ZNF710: variants seen among roughly 807,000 people sequenced by gnomAD.
ZNF710 encodes zinc finger protein 710.
Under a neutral mutation model 50.6 loss-of-function variants are expected in ZNF710, and 13 were observed. The ratio of observed to expected loss-of-function variants is 0.26; its 90% confidence interval spans 0.17 to 0.41. ZNF710 has a LOEUF of 0.41. ZNF710 is among the 10% of genes least tolerant of loss of function. The pLI, the probability that ZNF710 is intolerant of heterozygous loss-of-function variation, is 1.00. For synonymous variants in ZNF710, 383 were observed against 397.0 expected, an observed-to-expected ratio of 0.96 and a Z score of 0.42; for missense variants, 721 against 936.6, an observed-to-expected ratio of 0.77 and a Z score of 3.01.
chr15:89,999,607 G>C (rs868179674), upstream of ZNF710, among the ~76,000 whole-genome samples: 1 of 152,132 alleles, frequency 6.6e-6, no homozygotes, highest in Non-Finnish European at 1.5e-5. Flanking sequence ...CCTCGTCAGA[G>C]ACAAATGTGT....
intron 1 of ZNF710, among the ~76,000 whole-genome samples, chr15:90,007,936 T>G (rs1898180737): frequency 6.6e-6 from 1 of 151,986 alleles, no homozygotes; most frequent in South Asian, 2.1e-4. Context: ...TGTATCACTG[T>G]TGGGCCCAAC....
intron 1 of ZNF710, among the ~76,000 whole-genome samples, chr15:90,044,757 G>C (rs1899408585): frequency 6.6e-6 from 1 of 152,134 alleles, no homozygotes; most frequent in Non-Finnish European, 1.5e-5. Flanking sequence ...GCGTGTGCCT[G>C]GTTAGCACAT....
At chr15:90,058,701 T>TATATATATATA (rs1567236919) in intron 1 of ZNF710, among the ~76,000 whole-genome samples, 8 of 143,544 alleles carry the variant, frequency 5.6e-5, no homozygotes, top group African/African-American at 1.6e-4. Context: ...CACTATATAT[T>TATATATATATA]TATATATATA....
At position 90,034,497 on chromosome 15, in the gene ZNF710, T is replaced by C. The variant is rs1899054286; in HGVS notation, c.-28-32613T>C. On this transcript the variant is annotated intron_variant, in intron 1 of 4. Transcript: ENST00000268154. This position sits in a 1 kb window ranked among gnomAD's most constrained non-coding sequence, Gnocchi z 4.0. ...GTGTATTCTGTGCCTGTGGTGGTGG[T>C]GGCCATGGTGTCGGCAGCAGCAGGG... is the stretch of plus-strand genomic sequence containing the variant. 6.8e-6 allele frequency among the ~76,000 whole-genome samples: 1 copy of C among 147,228 alleles called. No individual in the cohort carries two copies. The highest frequency in any genetic ancestry group is 2.1e-4 in the South Asian group (1 of 4,656).
intron 1 of ZNF710, among the ~76,000 whole-genome samples, chr15:90,019,115 G>GC (rs747513535): frequency 1.8e-4 from 27 of 148,010 alleles, no homozygotes; most frequent in African/African-American, 2.5e-4. Context: ...ATATTGTATA[G>GC]CCCCCCCAGA....
chr15:90,019,187 C>CTTTCTTTT (rs1898539369), intron 1 of ZNF710, among the ~76,000 whole-genome samples: 1 of 89,388 alleles, frequency 1.1e-5, no homozygotes, highest in South Asian at 4.0e-4. Context: ...CTTTTTCTTT[C>CTTTCTTTT]TTTTTTTTTT....
rs564607471 is a variant in ZNF710, at chr15:90,040,669, G to T, written c.-28-26441G>T. ...TTTTTTACATCAAACAATACTGATG[G>T]GCTTCTAGTGCTAAAGCAGCAGGCC... is the stretch of plus-strand genomic sequence containing the variant. On this transcript the variant is annotated intron_variant, in intron 1 of 4. Transcript: ENST00000268154. The surrounding 1 kb of genome is among the most constrained non-coding windows in gnomAD (Gnocchi z 4.6). Among the ~76,000 whole-genome samples the T allele has an allele frequency of 5.6e-4, 85 of 151,776 alleles. No homozygotes were observed. The highest frequency in any genetic ancestry group is 1.1e-3 in the Non-Finnish European group (72 of 67,962).
chr15:90,012,290 A>ATTTTTTTTTTT (rs1026567607), intron 1 of ZNF710, among the ~76,000 whole-genome samples: 12 of 94,550 alleles, frequency 1.3e-4, no homozygotes, highest in African/African-American at 2.3e-4. Flanking sequence ...TTGAGTGTGC[A>ATTTTTTTTTTT]TTTTTTTTTT....
At chr15:90,018,314 G>T (rs1297309022) in intron 1 of ZNF710, among the ~76,000 whole-genome samples, 1 of 151,882 alleles carries the variant, frequency 6.6e-6, no homozygotes, top group Non-Finnish European at 1.5e-5. Flanking sequence ...GATCACAGGC[G>T]TGTGCCACCA....
At chr15:90,021,009 A>ACC (rs532595178) in intron 1 of ZNF710, among the ~76,000 whole-genome samples, 1,889 of 91,118 alleles carry the variant, frequency 0.021, 85 homozygotes, top group African/African-American at 0.068. Flanking sequence ...AGGGTGTGGC[A>ACC]CCCCCCCCCC....
rs562223398 is a variant in ZNF710, at chr15:90,067,804, C to T, written c.667C>T (p.Leu223=). The T allele has an allele frequency of 1.9e-4, 299 of 1,582,254 alleles. 1 individual carries two copies. The East Asian group carries it at 6.4e-3, about 34-fold the overall frequency. The change falls in exon 2 of 5, where the codon CTG becomes TTG. Residue 223 remains leucine (L), a synonymous_variant. Coordinates refer to ENST00000268154, the MANE Select transcript of ZNF710 (RefSeq NM_198526.4). This position sits in a 1 kb window ranked among gnomAD's most constrained non-coding sequence, Gnocchi z 8.1. The part of the protein sequence containing the change: ...PTECGFEPPH[L]APLSDPEAPS... ...AGAGTGTGGGTTCGAGCCACCCCAC[C>T]TGGCCCCCCTGAGTGACCCCGAGGC...
intron 1 of ZNF710, among the ~76,000 whole-genome samples, chr15:90,003,644 T>C (rs1244701830): frequency 6.6e-6 from 1 of 152,224 alleles, no homozygotes; most frequent in East Asian, 1.9e-4. Context: ...TCAAAGCCGA[T>C]GGGGCTATCT....
At chr15:90,052,278 C>T (rs1899670075) in intron 1 of ZNF710, among the ~76,000 whole-genome samples, 1 of 152,188 alleles carries the variant, frequency 6.6e-6, no homozygotes, top group Non-Finnish European at 1.5e-5. Flanking sequence ...GACTTGATCC[C>T]ATTTTCCACC....
chr15:90,023,270 G>A (rs1046693565), intron 1 of ZNF710, among the ~76,000 whole-genome samples: 3 of 152,210 alleles, frequency 2.0e-5, no homozygotes, highest in African/African-American at 7.2e-5. Flanking sequence ...AGCTACAGAG[G>A]TAGGTGAGCC....
intron 1 of ZNF710, among the ~76,000 whole-genome samples, chr15:90,009,028 A>T (rs758227326): frequency 1.3e-5 from 2 of 152,158 alleles, no homozygotes; most frequent in African/African-American, 4.8e-5. Context: ...AATGGTCACT[A>T]CAGAAAGCAG....
intron 1 of ZNF710, chr15:90,045,254 C>G: frequency 1.2e-6 from 1 of 835,098 alleles, no homozygotes; most frequent in Non-Finnish European, 1.4e-6. Context: ...GGCAGAAAAG[C>G]CTTGCAAAAC....
At chr15:90,045,677 G>C (rs1379030348) in intron 1 of ZNF710, among the ~76,000 whole-genome samples, 3 of 152,198 alleles carry the variant, frequency 2.0e-5, no homozygotes, top group Admixed American at 2.0e-4. Flanking sequence ...GGACAGCTGA[G>C]CTCTGGTGGA....
chr15:90,063,329 G>A (rs935119839), intron 1 of ZNF710, among the ~76,000 whole-genome samples: 7 of 152,154 alleles, frequency 4.6e-5, no homozygotes, highest in African/African-American at 1.7e-4. Flanking sequence ...ATTCAAGCCT[G>A]GATTTCCTGG....
intron 1 of ZNF710, among the ~76,000 whole-genome samples, chr15:90,016,102 A>G (rs972852784): frequency 2.6e-5 from 4 of 152,166 alleles, no homozygotes; most frequent in Non-Finnish European, 5.9e-5. Context: ...TTCATGGTGT[A>G]TCTTTTTCTG....
Sources: allele counts gnomAD v4.1 joint callset (sites outside exome capture counted in the v4.1 genomes callset), GRCh38; gene constraint gnomAD v4.1.1; non-coding constraint Gnocchi (gnomAD v3.1); transcripts MANE v1.5; gene names NCBI Gene and HGNC (gene_info 2026-07-23, HGNC 2026-07-21).